GRB10: variants seen among roughly 807,000 people sequenced by gnomAD.
GRB10 encodes growth factor receptor-bound protein 10.
Under a neutral mutation model 80.9 loss-of-function variants are expected in GRB10, and 20 were observed. The ratio of observed to expected loss-of-function variants is 0.25; its 90% CI spans 0.17 to 0.36. The LOEUF is 0.36. GRB10 is among the 10% of genes least tolerant of loss of function. The pLI, the probability that GRB10 is intolerant of heterozygous loss-of-function variation, is 1.00. For synonymous variants in GRB10, 291 were observed against 291.5 expected (o/e 1.00, Z 0.02); for missense variants, 548 against 747.7 (o/e 0.73, Z 3.12).
At chr7:50,738,560 C>T (rs1309816307) in intron 3 of GRB10, among the ~76,000 whole-genome samples, 1 of 152,196 alleles carries the variant, frequency 6.6e-6, no homozygotes, top group African/African-American at 2.4e-5. Context: ...GCCTCCCAGG[C>T]AGCTGGGACT....
chr7:50,646,738 G>A (rs1041756738), intron 7 of GRB10, among the ~76,000 whole-genome samples: 2 of 152,162 alleles, frequency 1.3e-5, no homozygotes, highest in Non-Finnish European at 2.9e-5. Context: ...ACTTCTCTGG[G>A]GAAAATGCTA....
At chr7:50,632,456 C>T (rs2237444) in intron 7 of GRB10, among the ~76,000 whole-genome samples, 78,979 of 152,020 alleles carry the variant, frequency 0.52, 20,679 homozygotes, top group Admixed American at 0.54. Flanking sequence ...AGACTTGTGG[C>T]CTGATTTCAA....
At chr7:50,668,747 C>T (rs899998940) in intron 7 of GRB10, among the ~76,000 whole-genome samples, 14 of 152,252 alleles carry the variant, frequency 9.2e-5, no homozygotes, top group African/African-American at 3.4e-4. Context: ...GCAGCCCATC[C>T]TGGCTCACAG....
At chr7:50,615,943 AGG>A (rs1317608811) in intron 11 of GRB10, among the ~76,000 whole-genome samples, 1 of 152,222 alleles carries the variant, frequency 6.6e-6, no homozygotes, top group Admixed American at 6.5e-5. Context: ...TGGGGCAGCC[AGG>A]GGTGTCTGCT....
intron 18 of GRB10, among the ~76,000 whole-genome samples, chr7:50,594,212 G>A (rs917623067): frequency 1.3e-5 from 2 of 152,150 alleles, no homozygotes; most frequent in East Asian, 1.9e-4. Context: ...ACCCCAGTGC[G>A]GTGCAGGAAA....
rs150416144 is a variant in GRB10 at position 50,723,571 on chromosome 7, C to G, written c.51+8701G>C. Among the ~76,000 whole-genome samples, 9 of 152,304 alleles carry G rather than the reference C, an allele frequency of 5.9e-5. No homozygotes were observed. The East Asian group carries it at 9.6e-4, about 16-fold the overall frequency. ...AAGGAAGACGATGAAGGGTTTTTAG[C>G]GATCCAGCCCCTTGGATCCCAGGAG... On this transcript the variant is annotated intron_variant, in intron 4 of 18. Transcript: ENST00000401949.
At chr7:50,741,576 C>T (rs921364493) in intron 3 of GRB10, among the ~76,000 whole-genome samples, 12 of 131,482 alleles carry the variant, frequency 9.1e-5, no homozygotes, top group African/African-American at 2.6e-4. Context: ...AAAAAAAAAA[C>T]GAAGGCACTT....
chr7:50,705,407 A>G (rs1177117949), intron 4 of GRB10: 1 of 495,916 alleles, frequency 2.0e-6, no homozygotes, highest in African/African-American at 2.1e-5. Flanking sequence ...CTTTCAAAAG[A>G]AATAGCTTTC....
intron 3 of GRB10, among the ~76,000 whole-genome samples, chr7:50,750,527 G>A (rs551623515): frequency 2.6e-5 from 4 of 152,294 alleles, no homozygotes; most frequent in East Asian, 3.9e-4. Flanking sequence ...CACAGCACAC[G>A]TTGAGCCTGC....
intron 7 of GRB10, among the ~76,000 whole-genome samples, chr7:50,662,608 T>C (rs1175293685): frequency 1.3e-5 from 2 of 152,218 alleles, no homozygotes; most frequent in East Asian, 3.9e-4. Flanking sequence ...TACAATTTCC[T>C]GCCTGTACCT....
intron 7 of GRB10, among the ~76,000 whole-genome samples, chr7:50,648,307 C>T (rs1356976031): frequency 6.6e-6 from 1 of 152,068 alleles, no homozygotes; most frequent in Admixed American, 6.5e-5. Context: ...AAGCGGAAGA[C>T]AGAGAACCCC....
chr7:50,598,197 G>A (rs568420592), intron 17 of GRB10, among the ~76,000 whole-genome samples: 197 of 152,300 alleles, frequency 1.3e-3, no homozygotes, highest in African/African-American at 4.6e-3. Context: ...CCATTGAGAA[G>A]ACCATGGCTG....
chr7:50,689,216 C>T (rs1315219086), intron 5 of GRB10, among the ~76,000 whole-genome samples: 1 of 152,132 alleles, frequency 6.6e-6, no homozygotes, highest in African/African-American at 2.4e-5. Context: ...CAGGGAGTCC[C>T]CATTCAGGGT....
chr7:50,681,168 C>A (rs2061500793), intron 5 of GRB10, among the ~76,000 whole-genome samples: 1 of 152,320 alleles, frequency 6.6e-6, no homozygotes, highest in Non-Finnish European at 1.5e-5. Context: ...CGACTGAGAG[C>A]CAAATCTCAG....
At chr7:50,678,728 T>C (rs1318428476) in intron 5 of GRB10, among the ~76,000 whole-genome samples, 1 of 152,214 alleles carries the variant, frequency 6.6e-6, no homozygotes, top group African/African-American at 2.4e-5. Context: ...CTTACAAGCA[T>C]CCCTATGGCG....
At chr7:50,666,140 T>C (rs569030060) in intron 7 of GRB10, among the ~76,000 whole-genome samples, 1 of 152,330 alleles carries the variant, frequency 6.6e-6, no homozygotes, top group South Asian at 2.1e-4. Context: ...GAATAATGGC[T>C]GCTCTCTTTT....
chr7:50,716,338 G>A (rs145891270), intron 4 of GRB10, among the ~76,000 whole-genome samples: 2 of 152,228 alleles, frequency 1.3e-5, no homozygotes, highest in East Asian at 3.9e-4. Context: ...CTATTTCCAA[G>A]AAGCTTCTTT....
At position 50,732,300 on chromosome 7, in the gene GRB10, T is replaced by A; in HGVS notation, c.23A>T (p.Asp8Val). 6.2e-7 allele frequency: 1 copy of A among 1,613,914 alleles called. No homozygotes were observed. The highest frequency in any genetic ancestry group is 8.5e-7 in the Non-Finnish European group (1 of 1,179,976). The change falls in exon 4 of 19, where the codon GAT becomes GTT. Residue 8 changes from aspartate (D) to valine (V), a missense_variant. This residue lies in a region of GRB10 where 245 missense variants were observed against 229.3 expected (regional missense o/e 1.07). Transcript: ENST00000401949. ...GTAGTACGGATGGTGCAAAAAGGAATCTGGGCAGCCGGCTAAAGCCATGGG... is the reference window on the plus strand; with the variant it reads ...GTAGTACGGATGGTGCAAAAAGGAAACTGGGCAGCCGGCTAAAGCCATGGG... MALAGCPDSFLHHPYYQD... is the reference protein window; with the variant it reads MALAGCPVSFLHHPYYQD...
intron 5 of GRB10, among the ~76,000 whole-genome samples, chr7:50,696,775 T>C (rs919610794): frequency 1.3e-5 from 2 of 152,084 alleles, no homozygotes; most frequent in African/African-American, 2.4e-5. Flanking sequence ...AAACTAAATA[T>C]AGCATTACCC....
Sources: gnomAD v4.1 joint callset for allele counts (sites outside exome capture counted in the v4.1 genomes callset) on GRCh38, gnomAD v4.1.1 for gene constraint, gnomAD v4.1.1 regional missense constraint, MANE v1.5 for transcripts, NCBI Gene and HGNC (gene_info 2026-07-23, HGNC 2026-07-21) for gene names.